CHST6: variants seen among roughly 807,000 people sequenced by gnomAD.
The protein encoded by CHST6 is N-acetylglucosamine 6-O-sulfotransferase 5.
For synonymous variants in CHST6, 309 were observed against 276.4 expected (o/e 1.12, Z -1.17); for missense variants, 698 against 586.2 (o/e 1.19, Z -1.97).
chr16:75,481,852 A>G lies in CHST6; in HGVS notation c.-52T>C. The stretch of plus-strand genomic sequence containing the variant: ...GGCTGCTGGGAGAGCTGCAACGCTG[A>G]TCACAAATCCATGGGAGATGATTAG... On this transcript the variant is annotated 5_prime_UTR_variant, in exon 2 of 3. Transcript: ENST00000332272. 1.7e-6 allele frequency: 1 copy of G among 593,278 alleles called. No homozygotes were observed. 36.8% of individuals were successfully genotyped at this position (593,278 alleles called of 1,614,324 possible).
intron 1 of CHST6, among the ~76,000 whole-genome samples, chr16:75,487,311 C>T (rs1425380377): frequency 5.3e-5 from 8 of 152,148 alleles, no homozygotes; most frequent in Non-Finnish European, 1.2e-4. Context: ...GAGCTGGAGC[C>T]CAGGAGTCCT....
At position 75,483,252 on chromosome 16, in the gene CHST6, G is replaced by A. The variant is rs144597328; in HGVS notation, c.-91-1361C>T. The stretch of plus-strand genomic sequence containing the variant: ...CACCTGTGATTGCTCCCTGCAGAGT[G>A]CAGGACCCTGCTGCTCTGGCCCAAA... On this transcript the variant is annotated intron_variant, in intron 1 of 2. Transcript: ENST00000332272. Among the ~76,000 whole-genome samples the A allele has an allele frequency of 8.5e-5, 13 of 152,330 alleles. No individual in the cohort carries two copies. The East Asian group carries it at 1.5e-3, about 18-fold the overall frequency.
chr16:75,491,712 TAG>T (rs1332616675), intron 1 of CHST6, among the ~76,000 whole-genome samples: 9 of 152,302 alleles, frequency 5.9e-5, no homozygotes, highest in African/African-American at 2.2e-4. Flanking sequence ...ATTTTCCAGA[TAG>T]TCTACATCAG....
Position 75,479,104 on chromosome 16 carries a change from A to C in CHST6, c.725T>G (p.Val242Gly), listed in dbSNP as rs1283155364. The stretch of plus-strand genomic sequence containing the variant: ...TACGTGGCTACGGCACACCTCGCGC[A>C]CCACGCGCAGGCCGGGGTCGGCCTC... ...WVEADPGLRV[V>G]REVCRSHVRI... The change falls in exon 3 of 3, where the codon GTG (valine) becomes GGG (glycine). Residue 242 changes from valine to glycine, a missense_variant. Physicochemically the swap from Val to Gly is moderately radical, Grantham distance 109. Transcript: ENST00000332272. 2.5e-6 allele frequency: 4 copies of C among 1,605,040 alleles called. No individual in the cohort carries two copies. The highest frequency in any genetic ancestry group is 1.1e-5 in the South Asian group (1 of 90,960).
intron 2 of CHST6, 23 bp downstream of exon 2, chr16:75,481,794 C>A (rs1250068961): frequency 4.0e-6 from 2 of 495,190 alleles, no homozygotes; most frequent in East Asian, 1.4e-4. Flanking sequence ...AGAGGACTGT[C>A]CCGGCCAGCT....
chr16:75,472,720 G>A lies in CHST6; in HGVS notation c.*5921C>T, dbSNP rs2080031402. The A allele has an allele frequency of 6.6e-6, 1 of 152,208 alleles. No individual in the cohort carries two copies. The highest frequency in any genetic ancestry group is 2.1e-4 in the South Asian group (1 of 4,826). 9.4% of individuals were successfully genotyped at this position (152,208 alleles called of 1,614,324 possible). ...GGTGGCCATGAGGAGTTGATACAGT[G>A]TTGATGTGGATAATATATCTTCTTG... On this transcript the variant is annotated 3_prime_UTR_variant, in exon 3 of 3. Transcript: ENST00000332272.
chr16:75,485,388 C>G (rs2080184960), intron 1 of CHST6, among the ~76,000 whole-genome samples: 1 of 152,128 alleles, frequency 6.6e-6, no homozygotes, highest in Non-Finnish European at 1.5e-5. Flanking sequence ...ATCTCTTGAG[C>G]CCAGGAGTTC....
In CHST6 at chr16:75,486,035, C is replaced by T. The variant is rs533225141; in HGVS notation, c.-91-4144G>A. Among the ~76,000 whole-genome samples the T allele has an allele frequency of 2.6e-5, 4 of 152,354 alleles. No homozygotes were observed. The East Asian group carries it at 5.8e-4, about 22-fold the overall frequency. ...AGCTTTCCAGCCTTATCTCCCATAT[C>T]CCAGGCTTCAGATGGCCGGGAATAA... is the stretch of plus-strand genomic sequence containing the variant. On this transcript the variant is annotated intron_variant, in intron 1 of 2. Transcript: ENST00000332272.
At chr16:75,487,252 A>G (rs1027024139) in intron 1 of CHST6, among the ~76,000 whole-genome samples, 2 of 152,208 alleles carry the variant, frequency 1.3e-5, no homozygotes, top group African/African-American at 4.8e-5. Flanking sequence ...CTGATTTGCA[A>G]ATAGGAAAAG....
chr16:75,478,880 C>G lies in CHST6; in HGVS notation c.949G>C (p.Glu317Gln), dbSNP rs766507184. ...THGSGPGARR[E>Q]AFKTSSRNAL... Reference sequence around the variant, plus strand: ...TTCCTGGACGAAGTCTTGAAGGCTTCGCGGCGCGCACCAGGTCCAGATCCG... The same window carrying G: ...TTCCTGGACGAAGTCTTGAAGGCTTGGCGGCGCGCACCAGGTCCAGATCCG... The change falls in exon 3 of 3, where the codon GAA (glutamate) becomes CAA (glutamine). Residue 317 changes from glutamate to glutamine, a missense_variant. Transcript: ENST00000332272. 3.7e-6 allele frequency: 6 copies of G among 1,613,262 alleles called. No individual in the cohort carries two copies. The highest frequency in any genetic ancestry group is 1.7e-5 in the Admixed American group (1 of 60,012).
chr16:75,494,237 T>C (rs538819082), intron 1 of CHST6, among the ~76,000 whole-genome samples: 1 of 152,286 alleles, frequency 6.6e-6, no homozygotes, highest in African/African-American at 2.4e-5. Context: ...TCTCTGGCTC[T>C]CTATACTCCA....
chr16:75,478,885 C>G lies in CHST6; in HGVS notation c.944G>C (p.Arg315Pro), dbSNP rs140618049. The change falls in exon 3 of 3, where the codon CGC becomes CCC. Residue 315 changes from arginine to proline, a missense_variant. Arg to Pro is a moderately radical substitution (Grantham distance 103). Coordinates refer to ENST00000332272, the MANE Select transcript of CHST6 (RefSeq NM_021615.5). ...GGACGAAGTCTTGAAGGCTTCGCGG[C>G]GCGCACCAGGTCCAGATCCGTGGGT... is the stretch of plus-strand genomic sequence containing the variant. The part of the protein sequence containing the change: ...NITHGSGPGA[R>P]REAFKTSSRN... The G allele has an allele frequency of 5.0e-6, 8 of 1,613,368 alleles. No individual in the cohort carries two copies. Among genetic ancestry groups the G allele is most frequent in the Non-Finnish European group, 6.8e-6 (8 of 1,179,966 alleles).
chr16:75,479,503 G>C lies in CHST6; in HGVS notation c.326C>G (p.Ala109Gly). Reference sequence around the variant, plus strand: ...CAGGTTGCGGCGCCAAGGCAGATAGGCATCAAACACGTCCATGTCGCACAG... The same window carrying C: ...CAGGTTGCGGCGCCAAGGCAGATAGCCATCAAACACGTCCATGTCGCACAG... ...VFLCDMDVFD[A>G]YLPWRRNLSD... Residue 109 changes from alanine to glycine, a missense_variant, in exon 3 of 3, where the codon GCC (alanine) becomes GGC (glycine). Physicochemically the swap from Ala to Gly is moderately conservative, Grantham distance 60. Transcript: ENST00000332272. The C allele has an allele frequency of 6.2e-7, 1 of 1,612,908 alleles. No individual in the cohort carries two copies. The highest frequency in any genetic ancestry group is 1.1e-5 in the South Asian group (1 of 91,084).
At chr16:75,486,674 C>G (rs1432508002) in intron 1 of CHST6, among the ~76,000 whole-genome samples, 1 of 152,238 alleles carries the variant, frequency 6.6e-6, no homozygotes, top group Non-Finnish European at 1.5e-5. Context: ...GGCAAGCTGA[C>G]AGCACCATCT....
At chr16:75,491,813 G>C (rs1190280728) in intron 1 of CHST6, among the ~76,000 whole-genome samples, 3 of 152,224 alleles carry the variant, frequency 2.0e-5, no homozygotes, top group African/African-American at 7.2e-5. Context: ...TCACTGCAGA[G>C]AGACAGGTGC....
Position 75,481,845 on chromosome 16 carries a change from A to G in CHST6, c.-45T>C. ...TGTCCAGGGCTGCTGGGAGAGCTGCAACGCTGATCACAAATCCATGGGAGA... is the reference window on the plus strand; with the variant it reads ...TGTCCAGGGCTGCTGGGAGAGCTGCGACGCTGATCACAAATCCATGGGAGA... On this transcript the variant is annotated 5_prime_UTR_variant, in exon 2 of 3. Coordinates refer to ENST00000332272, the MANE Select transcript of CHST6 (RefSeq NM_021615.5). 1 of 592,088 alleles carries G rather than the reference A, an allele frequency of 1.7e-6. No individual in the cohort carries two copies. Among genetic ancestry groups the G allele is most frequent in the Non-Finnish European group, 2.9e-6 (1 of 339,886 alleles). The allele number at this position is 592,088 out of a possible 1,614,324, so 36.7% of individuals were successfully genotyped here.
At position 75,472,970 on chromosome 16, in the gene CHST6, G is replaced by A. The variant is rs372387909; in HGVS notation, c.*5671C>T. The A allele has an allele frequency of 6.6e-6, 1 of 151,900 alleles. No individual in the cohort carries two copies. The highest frequency in any genetic ancestry group is 2.4e-5 in the African/African-American group (1 of 41,228). 9.4% of individuals were successfully genotyped at this position (151,900 alleles called of 1,614,324 possible). ...TAGACACTTCTAGCTGCATCACAGG[G>A]CCTACAGGTAAGGGGAGACACTAAT... On this transcript the variant is annotated 3_prime_UTR_variant, in exon 3 of 3. Transcript: ENST00000332272.
chr16:75,483,345 T>C (rs1192759649), intron 1 of CHST6, among the ~76,000 whole-genome samples: 1 of 152,224 alleles, frequency 6.6e-6, no homozygotes, highest in Admixed American at 6.5e-5. Flanking sequence ...CCAAGGTATT[T>C]GTTACCTGTG....
intron 1 of CHST6, among the ~76,000 whole-genome samples, chr16:75,493,379 GGT>G (rs1211412035): frequency 6.6e-6 from 1 of 151,858 alleles, no homozygotes; most frequent in African/African-American, 2.4e-5. Flanking sequence ...CGTGGTGGCG[GGT>G]GCCTGTAATC....
Sources: allele counts gnomAD v4.1 joint callset (sites outside exome capture counted in the v4.1 genomes callset), GRCh38; gene constraint gnomAD v4.1.1; transcripts MANE v1.5; gene names NCBI Gene and HGNC (gene_info 2026-07-23, HGNC 2026-07-21).